Variants in SLCO3A1 observed in about 807,000 individuals in gnomAD.
The protein encoded by SLCO3A1 is PGE1 transporter.
A neutral mutation model predicts 63.1 loss-of-function variants in SLCO3A1; 27 were observed. The observed-to-expected ratio is 0.43, with a 90% CI of 0.32 to 0.59. The LOEUF (loss-of-function observed/expected upper bound fraction) is 0.59, where lower values mean the gene tolerates loss of function less well. Ranked by LOEUF, SLCO3A1 falls within the 20% of genes least tolerant of loss-of-function variation. The probability of loss-of-function intolerance (pLI) is 0.09; values close to 1 mark genes in which losing one functional copy is unlikely to be tolerated. For synonymous variants in SLCO3A1, 473 were observed against 409.9 expected (o/e 1.15, Z -1.86); for missense variants, 773 against 945.8 (o/e 0.82, Z 2.40).
At chr15:91,895,051 G>A (rs1897969863) in intron 1 of SLCO3A1, among the ~76,000 whole-genome samples, 1 of 152,142 alleles carries the variant, frequency 6.6e-6, no homozygotes, top group Non-Finnish European at 1.5e-5. Context: ...GAGTTCCTGG[G>A]CAATTATTTC....
At chr15:92,044,249 C>T (rs768581440) in intron 2 of SLCO3A1, among the ~76,000 whole-genome samples, 1 of 152,104 alleles carries the variant, frequency 6.6e-6, no homozygotes, top group African/African-American at 2.4e-5. Flanking sequence ...TCCCTGCCTG[C>T]GTCTGCTCTT....
chr15:91,994,690 C>A (rs571587299), intron 2 of SLCO3A1, among the ~76,000 whole-genome samples: 30 of 152,344 alleles, frequency 2.0e-4, no homozygotes, highest in African/African-American at 7.0e-4. Flanking sequence ...TCTGTACAAT[C>A]ATCTGTAAAA....
intron 2 of SLCO3A1, among the ~76,000 whole-genome samples, chr15:91,922,004 G>A (rs1898863593): frequency 6.6e-6 from 1 of 152,148 alleles, no homozygotes; most frequent in African/African-American, 2.4e-5. Context: ...CAGAGTGCTG[G>A]AATTACAGGC....
Position 91,939,735 on chromosome 15 carries a change from C to A in SLCO3A1, c.646+23277C>A, listed in dbSNP as rs186064065. On this transcript the variant is annotated intron_variant, in intron 2 of 9. Coordinates refer to ENST00000318445, the MANE Select transcript of SLCO3A1 (RefSeq NM_013272.4). ...TTCCCGTCAGTCTTTGCCTCCTACCCGCCTCCTCCATTCTCCTCCACACCT... is the reference window on the plus strand; with the variant it reads ...TTCCCGTCAGTCTTTGCCTCCTACCAGCCTCCTCCATTCTCCTCCACACCT... Among the ~76,000 whole-genome samples the A allele has an allele frequency of 7.9e-5, 12 of 152,236 alleles. No homozygotes were observed. In the South Asian group the frequency reaches 2.5e-3, roughly 32 times the overall value.
chr15:92,032,222 C>T (rs2046658936), intron 2 of SLCO3A1, among the ~76,000 whole-genome samples: 1 of 152,152 alleles, frequency 6.6e-6, no homozygotes, highest in Admixed American at 6.5e-5. Flanking sequence ...TTCTCAAGCC[C>T]AGAGGGTCAC....
chr15:92,126,013 G>A (rs2047917166), intron 5 of SLCO3A1, 48 bp from the exon 6 acceptor site: 1 of 1,543,980 alleles, frequency 6.5e-7, no homozygotes, highest in African/African-American at 1.4e-5. Flanking sequence ...TCTGTAGACT[G>A]GCCCCACCTT....
At chr15:91,992,720 G>A (rs921000164) in intron 2 of SLCO3A1, among the ~76,000 whole-genome samples, 1 of 152,192 alleles carries the variant, frequency 6.6e-6, no homozygotes, top group Non-Finnish European at 1.5e-5. Flanking sequence ...TTTAACTCCT[G>A]TCTAATGTTC....
At position 92,128,448 on chromosome 15, in the gene SLCO3A1, A is replaced by G; in HGVS notation, c.1471A>G (p.Ile491Val). The change falls in exon 7 of 10, where the codon ATC (isoleucine) becomes GTC (valine). Residue 491 changes from isoleucine to valine, a missense_variant. Coordinates refer to ENST00000318445, the MANE Select transcript of SLCO3A1 (RefSeq NM_013272.4). ...CACTCCAGTGTGTGGGGCAGATGGC[A>G]TCACCTACCTGTCTGCCTGCTTTGC... ...SFTPVCGADG[I>V]TYLSACFAGC... 1.9e-6 allele frequency: 3 copies of G among 1,614,098 alleles called. No homozygotes were observed. The highest frequency in any genetic ancestry group is 2.5e-6 in the Non-Finnish European group (3 of 1,179,982).
rs60074976 is a variant in SLCO3A1, at chr15:91,922,421, C to A, written c.646+5963C>A. On this transcript the variant is annotated intron_variant, in intron 2 of 9. Transcript: ENST00000318445. ...ACTTATCCTGAACCCCAGTGCAGCC[C>A]TCTGTGTTTCCGTTAATAATGCAAA... Among the ~76,000 whole-genome samples, 308 of 152,358 alleles carry A rather than the reference C, an allele frequency of 2.0e-3. 1 individual carries two copies. The highest frequency in any genetic ancestry group is 7.1e-3 in the African/African-American group (295 of 41,584).
chr15:92,164,959 A>C lies in SLCO3A1; in HGVS notation c.*1824A>C. The C allele has an allele frequency of 1.0e-6, 1 of 969,126 alleles. No homozygotes were observed. Among genetic ancestry groups the C allele is most frequent in the Non-Finnish European group, 1.2e-6 (1 of 823,968 alleles). 60.0% of individuals were successfully genotyped at this position (969,126 alleles called of 1,614,324 possible). ...TCACATTCCTGGCGCTGGAAAAAAAACTCAAAGGTTGATTGGTTTGCTTTT... is the reference window on the plus strand; with the variant it reads ...TCACATTCCTGGCGCTGGAAAAAAACCTCAAAGGTTGATTGGTTTGCTTTT... On this transcript the variant is annotated 3_prime_UTR_variant, in exon 10 of 10. Coordinates refer to ENST00000318445, the MANE Select transcript of SLCO3A1 (RefSeq NM_013272.4).
chr15:92,101,001 C>G (rs933115760), intron 3 of SLCO3A1, among the ~76,000 whole-genome samples: 1 of 152,196 alleles, frequency 6.6e-6, no homozygotes, highest in Non-Finnish European at 1.5e-5. Context: ...CACCTAACTT[C>G]ACAGAGTGAG....
In SLCO3A1 at chr15:91,880,211, G is replaced by A. The variant is rs115868693; in HGVS notation, c.180+26123G>A. The stretch of plus-strand genomic sequence containing the variant: ...TATCTATCTATCATCCTGAGATGAT[G>A]GTAGATTCACATGCAATTGTAAGAA... On this transcript the variant is annotated intron_variant, in intron 1 of 9. Coordinates refer to ENST00000318445, the MANE Select transcript of SLCO3A1 (RefSeq NM_013272.4). Among the ~76,000 whole-genome samples, 124 of 137,134 alleles carry A rather than the reference G, an allele frequency of 9.0e-4. 1 individual carries two copies. Among genetic ancestry groups the A allele is most frequent in the African/African-American group, 3.2e-3 (113 of 35,416 alleles). The allele number at this position is 137,134 out of a possible 152,430, so 90.0% of individuals were successfully genotyped here.
At chr15:91,976,184 G>A (rs1316249059) in intron 2 of SLCO3A1, among the ~76,000 whole-genome samples, 1 of 152,186 alleles carries the variant, frequency 6.6e-6, no homozygotes, top group Non-Finnish European at 1.5e-5. Context: ...GTCCCAAACT[G>A]TACTGGGGAG....
intron 1 of SLCO3A1, among the ~76,000 whole-genome samples, chr15:91,905,758 T>C (rs1898285438): frequency 1.3e-5 from 2 of 152,210 alleles, no homozygotes; most frequent in African/African-American, 4.8e-5. Context: ...AAGAAAACTA[T>C]TTCTCTTTGT....
rs1178227201 is a variant in SLCO3A1 at position 91,865,417 on chromosome 15, GA to G, written c.180+11335del. Among the ~76,000 whole-genome samples, 1 of 152,090 alleles carries G rather than the reference GA, an allele frequency of 6.6e-6. No homozygotes were observed. The highest frequency in any genetic ancestry group is 1.9e-4 in the East Asian group (1 of 5,200). ...GATGAGATGGTAGGCATTTCAGAAG[GA>G]AAAAACCAGGTCTATTCATTAACTA... On this transcript the variant is annotated intron_variant, in intron 1 of 9. Coordinates refer to ENST00000318445, the MANE Select transcript of SLCO3A1 (RefSeq NM_013272.4). The surrounding 1 kb of genome is among the most constrained non-coding windows in gnomAD (Gnocchi z 4.6).
intron 2 of SLCO3A1, among the ~76,000 whole-genome samples, chr15:91,988,568 C>T (rs1567053763): frequency 1.3e-5 from 2 of 151,998 alleles, no homozygotes; most frequent in African/African-American, 2.4e-5. Flanking sequence ...GTAAAATAAT[C>T]AAAATCCTGT....
intron 2 of SLCO3A1, among the ~76,000 whole-genome samples, chr15:92,061,894 T>G (rs1383152538): frequency 6.6e-6 from 1 of 152,226 alleles, no homozygotes; most frequent in African/African-American, 2.4e-5. Context: ...CATGGTCATG[T>G]CAAGGCTCTG....
chr15:91,918,019 C>T (rs976399619), intron 2 of SLCO3A1, among the ~76,000 whole-genome samples: 7 of 152,228 alleles, frequency 4.6e-5, no homozygotes, highest in African/African-American at 1.7e-4. Context: ...TCCCCAGAGT[C>T]ACCCCTGAAG....
intron 2 of SLCO3A1, among the ~76,000 whole-genome samples, chr15:92,062,698 A>C (rs1012735170): frequency 6.6e-6 from 1 of 152,192 alleles, no homozygotes; most frequent in Non-Finnish European, 1.5e-5. Context: ...GTCCAGAGGC[A>C]GTCTCTGACA....
Sources: allele counts gnomAD v4.1 joint callset (sites outside exome capture counted in the v4.1 genomes callset), GRCh38; gene constraint gnomAD v4.1.1; non-coding constraint Gnocchi (gnomAD v3.1); transcripts MANE v1.5; gene names NCBI Gene and HGNC (gene_info 2026-07-23, HGNC 2026-07-21).